Variants in MED4 observed in about 807,000 individuals in gnomAD.
The protein encoded by MED4 is mediator complex subunit 4, also known as mediator of RNA polymerase II transcription subunit 4.
In MED4, 21 loss-of-function variants were observed where a neutral mutation model predicts 35.0. The ratio of observed to expected loss-of-function variants is 0.60; its 90% confidence interval spans 0.43 to 0.86. The LOEUF (loss-of-function observed/expected upper bound fraction) is 0.86. Ranked by LOEUF, MED4 falls within the 40% of genes least tolerant of loss-of-function variation. The pLI is 0.00. For synonymous variants in MED4, 138 were observed against 114.0 expected, an observed-to-expected ratio of 1.21 and a Z score of -1.34; for missense variants, 300 against 319.4, an observed-to-expected ratio of 0.94 and a Z score of 0.46.
Position 48,080,886 on chromosome 13 carries a change from C to A in MED4, c.508+759G>T, listed in dbSNP as rs192869227. 8.7e-4 allele frequency among the ~76,000 whole-genome samples: 133 copies of A among 152,226 alleles called. 1 individual carries two copies. Among genetic ancestry groups the A allele is most frequent in the African/African-American group, 3.1e-3 (127 of 41,536 alleles). ...CGTGTAAGTGGCAAAATAGCAGGAG[C>A]AGGTAATGTCCATCCCAAACATGAA... On this transcript the variant is annotated intron_variant, in intron 5 of 6. Coordinates refer to ENST00000258648, the MANE Select transcript of MED4 (RefSeq NM_014166.4).
intron 3 of MED4, among the ~76,000 whole-genome samples, chr13:48,085,486 C>T (rs1164311321): frequency 2.0e-5 from 3 of 152,162 alleles, no homozygotes; most frequent in Non-Finnish European, 4.4e-5. Context: ...CCACCATGCC[C>T]GGCCTGATTT....
intron 3 of MED4, among the ~76,000 whole-genome samples, chr13:48,084,847 T>C (rs1950837843): frequency 6.6e-6 from 1 of 150,928 alleles, no homozygotes; most frequent in African/African-American, 2.4e-5. Flanking sequence ...GATTTTAATA[T>C]ATATATAATA....
rs1490110104 is a variant in MED4 at position 48,082,511 on chromosome 13, GCCTAA to G, written c.422-785_422-781del. 2.0e-5 allele frequency among the ~76,000 whole-genome samples: 3 copies of G among 152,302 alleles called. No individual in the cohort carries two copies. The East Asian group carries it at 5.8e-4, about 29-fold the overall frequency. On this transcript the variant is annotated intron_variant, in intron 4 of 6. Transcript: ENST00000258648. ...TAGAGATTTGTTTCTTGCTACAGAA[GCCTAA>G]CCTAACTCTCAAAAGAATATTAGCT...
At chr13:48,086,628 T>A (rs770994645) in intron 2 of MED4, among the ~76,000 whole-genome samples, 176 bp from the exon 3 acceptor site, 1 of 152,202 alleles carries the variant, frequency 6.6e-6, no homozygotes, top group Non-Finnish European at 1.5e-5. Context: ...TGGGAAACAT[T>A]AATATCAAAC....
rs1168505832 is a variant in MED4, at chr13:48,095,000, G to C, written c.79C>G (p.Arg27Gly). The C allele has an allele frequency of 6.2e-7, 1 of 1,604,012 alleles. No homozygotes were observed. Among genetic ancestry groups the C allele is most frequent in the Non-Finnish European group, 8.5e-7 (1 of 1,179,838 alleles). ...GLGVAGGNSTRERLLSALEDL... is the reference protein window; with the variant it reads ...GLGVAGGNSTGERLLSALEDL... ...TCAAGCGCAGACAGCAGCCGCTCTC[G>C]TGTGCTGTTACCACCCGCCACTCCC... Residue 27 changes from arginine to glycine, a missense_variant, in exon 1 of 7, where the codon CGA becomes GGA. By Grantham distance (125) the Arg-to-Gly change is moderately radical. Coordinates refer to ENST00000258648, the MANE Select transcript of MED4 (RefSeq NM_014166.4).
In MED4 at chr13:48,079,889, T is replaced by G; in HGVS notation, c.595A>C (p.Asn199His). 1 of 1,613,954 alleles carries G rather than the reference T, an allele frequency of 6.2e-7. No individual in the cohort carries two copies. The highest frequency in any genetic ancestry group is 8.5e-7 in the Non-Finnish European group (1 of 1,179,874). ...QMNNPSTNGV[N>H]GHLPGDALAA... ...AGTGCATCTCCTGGTAAATGGCCAT[T>G]CACGCCATTAGTGGAAGGATTGTTC... is the stretch of plus-strand genomic sequence containing the variant. The change falls in exon 6 of 7, where the codon AAT becomes CAT. Residue 199 changes from asparagine to histidine, a missense_variant. Asn to His is a moderately conservative substitution (Grantham distance 68, BLOSUM62 1). Coordinates refer to ENST00000258648, the MANE Select transcript of MED4 (RefSeq NM_014166.4).
intron 2 of MED4, among the ~76,000 whole-genome samples, chr13:48,087,351 C>T (rs974852405): frequency 1.9e-4 from 29 of 151,508 alleles, no homozygotes; most frequent in Admixed American, 1.6e-3. Flanking sequence ...GCAACAAGAG[C>T]GAAACTCCAT....
intron 6 of MED4, 165 bp downstream of exon 6, chr13:48,079,679 C>T (rs1374008499): frequency 1.1e-5 from 8 of 698,158 alleles, no homozygotes; most frequent in East Asian, 6.9e-5. Flanking sequence ...GCCAAGATTT[C>T]GCCAACACGC....
In MED4 at chr13:48,080,286, A is replaced by G. The variant is rs150248951; in HGVS notation, c.509-311T>C. Among the ~76,000 whole-genome samples the G allele has an allele frequency of 3.8e-3, 581 of 151,156 alleles. 3 individuals carry two copies. Among genetic ancestry groups the G allele is most frequent in the African/African-American group, 0.013 (544 of 41,138 alleles). On this transcript the variant is annotated intron_variant, in intron 5 of 6. Transcript: ENST00000258648. ...GTGGCACGCACCTATAATCCCAGCT[A>G]CTCGGGAGGCTGAGGCAGGAGAATC...
intron 2 of MED4, among the ~76,000 whole-genome samples, chr13:48,088,941 G>C (rs919223324): frequency 1.3e-5 from 2 of 152,142 alleles, no homozygotes; most frequent in African/African-American, 4.8e-5. Flanking sequence ...TTCACAAATT[G>C]CTACTCTTTA....
chr13:48,078,319 G>C (rs1040704582), intron 6 of MED4, among the ~76,000 whole-genome samples: 2 of 152,166 alleles, frequency 1.3e-5, no homozygotes, highest in East Asian at 3.8e-4. Context: ...ATTAAGTTTT[G>C]TCAGTAGAGG....
chr13:48,091,095 T>G (rs561596980), intron 1 of MED4, among the ~76,000 whole-genome samples: 1 of 152,232 alleles, frequency 6.6e-6, no homozygotes, highest in African/African-American at 2.4e-5. Flanking sequence ...AATGAACATA[T>G]GTTTATATAT....
chr13:48,084,528 T>C (rs1308466702), intron 3 of MED4, among the ~76,000 whole-genome samples: 1 of 152,220 alleles, frequency 6.6e-6, no homozygotes, highest in Non-Finnish European at 1.5e-5. Context: ...TGGTCCTGTG[T>C]TCACTGTCTT....
At chr13:48,077,412 T>A in intron 6 of MED4, 101 bp from the exon 7 acceptor site, 1 of 1,096,188 alleles carries the variant, frequency 9.1e-7, no homozygotes, top group Admixed American at 3.6e-5. Context: ...TTTTTTAATT[T>A]TACTTTTTTC....
At chr13:48,088,354 T>C (rs758590933) in intron 2 of MED4, among the ~76,000 whole-genome samples, 9 of 152,372 alleles carry the variant, frequency 5.9e-5, no homozygotes, top group South Asian at 2.1e-4. Flanking sequence ...TCTCATTTTA[T>C]AGGAATTCTT....
intron 1 of MED4, among the ~76,000 whole-genome samples, chr13:48,092,217 C>T (rs1950894721): frequency 6.6e-6 from 1 of 152,226 alleles, no homozygotes; most frequent in Non-Finnish European, 1.5e-5. Context: ...AAAGAATTCT[C>T]CTGCCTCAGC....
chr13:48,085,322 C>G (rs572191601), intron 3 of MED4, among the ~76,000 whole-genome samples: 1 of 152,148 alleles, frequency 6.6e-6, no homozygotes, highest in African/African-American at 2.4e-5. Context: ...CAGGCACACA[C>G]CACCACACCT....
intron 4 of MED4, among the ~76,000 whole-genome samples, chr13:48,082,806 G>A (rs897680770): frequency 1.3e-4 from 19 of 148,642 alleles, no homozygotes; most frequent in South Asian, 2.1e-4. Flanking sequence ...CAGCCTGGGC[G>A]ACAGAGCGAG....
At chr13:48,081,032 T>C (rs1950804831) in intron 5 of MED4, among the ~76,000 whole-genome samples, 1 of 152,274 alleles carries the variant, frequency 6.6e-6, no homozygotes, top group Non-Finnish European at 1.5e-5. Flanking sequence ...CTTAGTGCTT[T>C]CAGCATGGTA....
Sources: gnomAD v4.1 joint callset for allele counts (sites outside exome capture counted in the v4.1 genomes callset) on GRCh38, gnomAD v4.1.1 for gene constraint, MANE v1.5 for transcripts, NCBI Gene and HGNC (gene_info 2026-07-23, HGNC 2026-07-21) for gene names.